Variants in PPHLN1 observed in about 807,000 individuals in gnomAD.
PPHLN1 encodes periphilin 1.
In PPHLN1, 29 loss-of-function variants were observed where a neutral mutation model predicts 51.3. The ratio of observed to expected loss-of-function variants is 0.57; its 90% confidence interval spans 0.42 to 0.77. The LOEUF (loss-of-function observed/expected upper bound fraction) is 0.77, where lower values mean the gene tolerates loss of function less well. Ranked by LOEUF, PPHLN1 falls within the 30% of genes least tolerant of loss-of-function variation. The pLI is 0.00. For synonymous variants in PPHLN1, 147 were observed against 147.8 expected (o/e 0.99, Z 0.04); for missense variants, 436 against 438.4 (o/e 0.99, Z 0.05).
intron 9 of PPHLN1, among the ~76,000 whole-genome samples, chr12:42,419,860 A>T (rs1357449423): frequency 6.6e-6 from 1 of 152,212 alleles, no homozygotes; most frequent in Non-Finnish European, 1.5e-5. Context: ...TCTGTACATG[A>T]TGACTTGAAT....
chr12:42,409,188 T>G, intron 9 of PPHLN1, among the ~76,000 whole-genome samples: 1 of 152,052 alleles, frequency 6.6e-6, no homozygotes, highest in East Asian at 1.9e-4. Context: ...AACTGCTGAT[T>G]GGGGGTGAGG....
At chr12:42,409,811 A>G (rs537352705) in intron 9 of PPHLN1, among the ~76,000 whole-genome samples, 2 of 152,114 alleles carry the variant, frequency 1.3e-5, no homozygotes, top group East Asian at 3.9e-4. Context: ...TTATTTATCT[A>G]TTATGTGTCT....
In PPHLN1 at chr12:42,329,733, A is replaced by C. The variant is rs1180965057; in HGVS notation, c.-21+3504A>C. ...GGATCTGTTATAAGTGACATTAAGA[A>C]GGTGACATTGAAGGGCAGGAAAGTT... On this transcript the variant is annotated intron_variant, in intron 1 of 9. Transcript: ENST00000358314. 3 of 152,190 alleles carry C rather than the reference A, an allele frequency of 2.0e-5. No individual in the cohort carries two copies. In the East Asian group the frequency reaches 5.8e-4, roughly 29 times the overall value. 9.4% of individuals were successfully genotyped at this position (152,190 alleles called of 1,614,324 possible).
intron 5 of PPHLN1, among the ~76,000 whole-genome samples, chr12:42,383,983 C>CAA (rs61016692): frequency 0.018 from 926 of 51,574 alleles, 199 homozygotes; most frequent in Non-Finnish European, 0.028. Flanking sequence ...GACTGTGTCT[C>CAA]AAAAAAAAAA....
rs564849126 is a variant in PPHLN1 at position 42,348,838 on chromosome 12, A to G, written c.73-3047A>G. On this transcript the variant is annotated intron_variant, in intron 2 of 9. Transcript: ENST00000358314. ...TGTCAGTTTTTTTTTTGGGCAGCTT[A>G]GTACTTAAATTTAATTGAAATCTCT... Among the ~76,000 whole-genome samples the G allele has an allele frequency of 6.9e-3, 992 of 143,106 alleles. 12 individuals are homozygous for G. The highest frequency in any genetic ancestry group is 0.025 in the African/African-American group (949 of 38,662). 93.9% of individuals were successfully genotyped at this position (143,106 alleles called of 152,430 possible).
In PPHLN1 at chr12:42,387,485, A is replaced by T. The variant is rs374534618; in HGVS notation, c.598A>T (p.Thr200Ser). ...AGAGAGGCCTGTCCAGTCTTTGAAA[A>T]CATCAAGAGATACTTCACCCTCAAG... is the stretch of plus-strand genomic sequence containing the variant. ...DKERPVQSLK[T>S]SRDTSPSSGS... Residue 200 changes from threonine to serine, a missense_variant, in exon 7 of 10, where the codon ACA becomes TCA. Thr to Ser is a moderately conservative substitution (Grantham distance 58). Transcript: ENST00000358314. The T allele has an allele frequency of 8.1e-6, 13 of 1,613,234 alleles. No individual in the cohort carries two copies. The highest frequency in any genetic ancestry group is 5.0e-5 in the Admixed American group (3 of 59,910).
chr12:42,408,240 T>C (rs1261639787), intron 9 of PPHLN1, among the ~76,000 whole-genome samples: 2 of 151,916 alleles, frequency 1.3e-5, no homozygotes, highest in African/African-American at 4.8e-5. Context: ...GTATGGTGGC[T>C]CACGCCTGTA....
chr12:42,421,586 G>A (rs957504707), intron 9 of PPHLN1, among the ~76,000 whole-genome samples: 2 of 152,072 alleles, frequency 1.3e-5, no homozygotes, highest in Non-Finnish European at 2.9e-5. Flanking sequence ...GACCTTAGGC[G>A]ATCCACCCGC....
At chr12:42,426,960 C>A (rs1332994593) in intron 9 of PPHLN1, among the ~76,000 whole-genome samples, 1 of 152,176 alleles carries the variant, frequency 6.6e-6, no homozygotes, top group Non-Finnish European at 1.5e-5. Flanking sequence ...TTAGTCATTC[C>A]TGCTGACAAA....
At chr12:42,445,162 G>T, downstream of PPHLN1, 1 of 701,554 alleles carries the variant, frequency 1.4e-6, no homozygotes, top group South Asian at 1.5e-5. Flanking sequence ...ACACATATTT[G>T]AGCCCACAGC....
At chr12:42,426,172 CCACACA>C (rs71084653) in intron 9 of PPHLN1, among the ~76,000 whole-genome samples, 3,348 of 122,128 alleles carry the variant, frequency 0.027, 52 homozygotes, top group Admixed American at 0.038. Flanking sequence ...AGACTTGACA[CCACACA>C]CACACACACA....
chr12:42,351,764 C>A, intron 2 of PPHLN1, 121 bp from the exon 3 acceptor site: 1 of 673,200 alleles, frequency 1.5e-6, no homozygotes, highest in Non-Finnish European at 2.2e-6. Context: ...TTCATTAACG[C>A]TTTTGTTTAT....
intron 5 of PPHLN1, among the ~76,000 whole-genome samples, chr12:42,376,352 T>C (rs1197050875): frequency 2.0e-5 from 3 of 152,254 alleles, no homozygotes; most frequent in Non-Finnish European, 4.4e-5. Flanking sequence ...CTTGAAGCTG[T>C]TGCAAGATTC....
intron 9 of PPHLN1, among the ~76,000 whole-genome samples, chr12:42,407,706 C>T (rs2079437292): frequency 6.6e-6 from 1 of 152,222 alleles, no homozygotes; most frequent in South Asian, 2.1e-4. Context: ...AACCTACACA[C>T]ATCCTCCTGT....
intron 9 of PPHLN1, among the ~76,000 whole-genome samples, chr12:42,425,501 C>T (rs1304703374): frequency 6.6e-6 from 1 of 152,060 alleles, no homozygotes; most frequent in Non-Finnish European, 1.5e-5. Flanking sequence ...GTTCTCCTCC[C>T]TCAGCCTCCT....
chr12:42,345,263 A>G (rs1015124074), intron 2 of PPHLN1, among the ~76,000 whole-genome samples: 22 of 152,150 alleles, frequency 1.4e-4, no homozygotes, highest in African/African-American at 5.1e-4. Flanking sequence ...AGGGTCTTGT[A>G]GTAGTAATCT....
At chr12:42,338,695 T>G (rs2071049219) in intron 2 of PPHLN1, among the ~76,000 whole-genome samples, 1 of 152,208 alleles carries the variant, frequency 6.6e-6, no homozygotes, top group Non-Finnish European at 1.5e-5. Flanking sequence ...TAGGATAGAC[T>G]TTAGATTTGT....
chr12:42,385,293 G>C (rs1173430257), intron 6 of PPHLN1, among the ~76,000 whole-genome samples: 1 of 152,104 alleles, frequency 6.6e-6, no homozygotes, highest in African/African-American at 2.4e-5. Flanking sequence ...TACTCTTTTT[G>C]TGTTCTTTCT....
intron 4 of PPHLN1, among the ~76,000 whole-genome samples, chr12:42,367,662 T>G (rs2075400843): frequency 6.6e-6 from 1 of 152,180 alleles, no homozygotes; most frequent in South Asian, 2.1e-4. Flanking sequence ...CGTTTGTCTG[T>G]TTTTTATTAG....
Sources: allele counts gnomAD v4.1 joint callset (sites outside exome capture counted in the v4.1 genomes callset), GRCh38; gene constraint gnomAD v4.1.1; transcripts MANE v1.5; gene names NCBI Gene and HGNC (gene_info 2026-07-23, HGNC 2026-07-21).